Variants in NLGN1 observed in about 807,000 individuals in gnomAD.
NLGN1 encodes neuroligin-1.
NLGN1 carries 12 observed loss-of-function variants against 65.5 expected under a neutral mutation model. The ratio of observed to expected loss-of-function variants is 0.18; its 90% CI spans 0.12 to 0.30. The LOEUF (loss-of-function observed/expected upper bound fraction) is 0.30. NLGN1 is among the 10% of genes least tolerant of loss of function. The pLI, the probability that NLGN1 is intolerant of heterozygous loss-of-function variation, is 1.00. For synonymous variants in NLGN1, 350 were observed against 359.5 expected, an observed-to-expected ratio of 0.97 and a Z score of 0.30; for missense variants, 750 against 1,007.1, an observed-to-expected ratio of 0.74 and a Z score of 3.46.
intron 2 of NLGN1, among the ~76,000 whole-genome samples, chr3:173,495,236 A>ATGG (rs1427174658): frequency 1.3e-5 from 2 of 151,712 alleles, no homozygotes; most frequent in African/African-American, 4.9e-5. Flanking sequence ...TAAATATTTT[A>ATGG]TGGTGATGCT....
chr3:173,856,458 C>G (rs1727998051), intron 4 of NLGN1, among the ~76,000 whole-genome samples: 1 of 152,078 alleles, frequency 6.6e-6, no homozygotes, highest in Non-Finnish European at 1.5e-5. Context: ...TAAGGCAGGT[C>G]TCTCCCAGGT....
chr3:173,729,552 T>C (rs1430827222), intron 3 of NLGN1, among the ~76,000 whole-genome samples: 2 of 152,128 alleles, frequency 1.3e-5, no homozygotes, highest in East Asian at 3.9e-4. Context: ...TGAAGCAATA[T>C]GCAAAATTGT....
chr3:173,984,900 G>C (rs972975792), intron 4 of NLGN1, among the ~76,000 whole-genome samples: 4 of 152,150 alleles, frequency 2.6e-5, no homozygotes, highest in African/African-American at 9.7e-5. Flanking sequence ...AAACTAGCCA[G>C]GTGTGGTGGC....
intron 4 of NLGN1, among the ~76,000 whole-genome samples, chr3:174,231,575 G>T (rs752118053): frequency 6.6e-6 from 1 of 152,268 alleles, no homozygotes; most frequent in Non-Finnish European, 1.5e-5. Context: ...ACAGAAGTAC[G>T]CAGTCCTTCT....
At chr3:173,963,707 T>C (rs1463508793) in intron 4 of NLGN1, among the ~76,000 whole-genome samples, 1 of 152,152 alleles carries the variant, frequency 6.6e-6, no homozygotes, top group African/African-American at 2.4e-5. Context: ...AAAGATTATA[T>C]GAGGTAAAGA....
At chr3:173,749,281 A>G (rs1455869194) in intron 3 of NLGN1, among the ~76,000 whole-genome samples, 3 of 152,008 alleles carry the variant, frequency 2.0e-5, no homozygotes, top group Non-Finnish European at 4.4e-5. Context: ...TTCCAAAGTC[A>G]TTTTTTATGA....
chr3:174,227,691 A>T (rs987465279), intron 4 of NLGN1, among the ~76,000 whole-genome samples: 1 of 152,110 alleles, frequency 6.6e-6, no homozygotes, highest in Non-Finnish European at 1.5e-5. Context: ...TTTCCTAAAG[A>T]TTCATAAATG....
At position 173,505,547 on chromosome 3, in the gene NLGN1, C is replaced by G. The variant is rs1372871702; in HGVS notation, c.-321+70469C>G. Among the ~76,000 whole-genome samples, 4 of 152,208 alleles carry G rather than the reference C, an allele frequency of 2.6e-5. No homozygotes were observed. In the East Asian group the frequency reaches 7.7e-4, roughly 29 times the overall value. ...TCTGCACCACTCTTCTCCTAAGGGT[C>G]TTTCAGTATATCAAGCTCCTTGGTA... On this transcript the variant is annotated intron_variant, in intron 2 of 6. Coordinates refer to ENST00000457714, the Ensembl canonical transcript of NLGN1.
chr3:173,510,652 T>C (rs1437446881), intron 2 of NLGN1, among the ~76,000 whole-genome samples: 1 of 152,224 alleles, frequency 6.6e-6, no homozygotes, highest in Admixed American at 6.5e-5. Flanking sequence ...CCTTTTGTCA[T>C]ACTGCTGAAT....
intron 4 of NLGN1, among the ~76,000 whole-genome samples, chr3:174,155,975 TACATAATAACATAA>T (rs1355742718): frequency 6.6e-6 from 1 of 151,898 alleles, no homozygotes; most frequent in African/African-American, 2.4e-5. Flanking sequence ...GAAACACCTT[TACATAATAACATAA>T]ACTGTCAGGA....
At chr3:173,868,396 A>G (rs1224980141) in intron 4 of NLGN1, among the ~76,000 whole-genome samples, 1 of 152,212 alleles carries the variant, frequency 6.6e-6, no homozygotes, top group Non-Finnish European at 1.5e-5. Flanking sequence ...TTAGCCACCC[A>G]GATAGTCTGG....
intron 4 of NLGN1, among the ~76,000 whole-genome samples, chr3:173,990,954 A>C (rs112811897): frequency 6.6e-6 from 1 of 152,152 alleles, no homozygotes; most frequent in African/African-American, 2.4e-5. Flanking sequence ...AGCAGAAGGA[A>C]CAGAGATTTC....
At chr3:173,457,986 A>G (rs780924404) in intron 2 of NLGN1, among the ~76,000 whole-genome samples, 1 of 152,080 alleles carries the variant, frequency 6.6e-6, no homozygotes, top group Non-Finnish European at 1.5e-5. Flanking sequence ...GGATTTGAAG[A>G]ATCCAAATTG....
chr3:174,097,844 C>G (rs1312174698), intron 4 of NLGN1, among the ~76,000 whole-genome samples: 1 of 152,264 alleles, frequency 6.6e-6, no homozygotes, highest in South Asian at 2.1e-4. Context: ...CATTATCACT[C>G]CAACACCAGT....
chr3:173,490,593 A>G (rs1302225192), intron 2 of NLGN1, among the ~76,000 whole-genome samples: 1 of 152,186 alleles, frequency 6.6e-6, no homozygotes, highest in Non-Finnish European at 1.5e-5. Flanking sequence ...TTGTGGTTCC[A>G]TATGAACTTT....
At chr3:173,861,810 G>A (rs990695189) in intron 4 of NLGN1, among the ~76,000 whole-genome samples, 6 of 151,808 alleles carry the variant, frequency 4.0e-5, no homozygotes, top group African/African-American at 7.3e-5. Context: ...CCAGGCTGGA[G>A]TGCAGTGGTG....
At chr3:173,726,940 C>G (rs1351979167) in intron 3 of NLGN1, among the ~76,000 whole-genome samples, 1 of 134,100 alleles carries the variant, frequency 7.5e-6, no homozygotes, top group African/African-American at 2.8e-5. Flanking sequence ...ATTTCCTTAC[C>G]AAAAAAAAAA....
intron 4 of NLGN1, among the ~76,000 whole-genome samples, chr3:174,135,989 C>G (rs771151685): frequency 6.6e-6 from 1 of 151,962 alleles, no homozygotes; most frequent in Non-Finnish European, 1.5e-5. Context: ...AAAATTCTAC[C>G]TCTCGCTTCT....
At chr3:174,040,457 G>A (rs1458175546) in intron 4 of NLGN1, among the ~76,000 whole-genome samples, 6 of 151,974 alleles carry the variant, frequency 3.9e-5, no homozygotes, top group African/African-American at 1.5e-4. Flanking sequence ...GCAAAATAAA[G>A]GATAAAATAA....
Sources: gnomAD v4.1 joint callset for allele counts (sites outside exome capture counted in the v4.1 genomes callset) on GRCh38, gnomAD v4.1.1 for gene constraint, MANE v1.5 for transcripts, NCBI Gene and HGNC (gene_info 2026-07-23, HGNC 2026-07-21) for gene names.